DCC: variants seen among roughly 807,000 people sequenced by gnomAD.
The protein encoded by DCC is DCC netrin 1 receptor, also known as netrin receptor DCC.
DCC carries 58 observed loss-of-function variants against 172.5 expected under a neutral mutation model. The ratio of observed to expected loss-of-function variants is 0.34; its 90% CI spans 0.27 to 0.42. DCC has a LOEUF of 0.42. DCC is among the 10% of genes least tolerant of loss of function. The pLI is 1.00. For missense variants in DCC, 1,740 were observed against 1,791.0 expected (o/e 0.97, Z 0.51); for synonymous variants, 709 against 644.5 (o/e 1.10, Z -1.52).
chr18:52,596,910 C>T (rs1222106721), intron 1 of DCC, among the ~76,000 whole-genome samples: 3 of 152,112 alleles, frequency 2.0e-5, no homozygotes, highest in African/African-American at 7.2e-5. Context: ...TTTGTTTTTT[C>T]CCTGAGCTTC....
intron 7 of DCC, among the ~76,000 whole-genome samples, chr18:53,080,578 G>A (rs1016896043): frequency 5.9e-5 from 9 of 152,218 alleles, no homozygotes; most frequent in Admixed American, 3.9e-4. Context: ...GGCAAAACTA[G>A]TAGGCTTACT....
intron 2 of DCC, among the ~76,000 whole-genome samples, chr18:52,882,345 CCTTTT>C (rs1380416227): frequency 6.6e-6 from 1 of 151,468 alleles, no homozygotes; most frequent in African/African-American, 2.4e-5. Flanking sequence ...TTTGGACTTG[CCTTTT>C]CTTTTTTAGT....
At chr18:53,331,124 G>T (rs778663480) in intron 14 of DCC, among the ~76,000 whole-genome samples, 16 of 152,124 alleles carry the variant, frequency 1.1e-4, no homozygotes, top group Non-Finnish European at 2.2e-4. Flanking sequence ...AATGTAGAAT[G>T]CATCCTATTA....
chr18:53,248,299 G>T (rs542280041), intron 12 of DCC, among the ~76,000 whole-genome samples: 2 of 151,970 alleles, frequency 1.3e-5, no homozygotes, highest in African/African-American at 4.8e-5. Flanking sequence ...TGACAATTCT[G>T]GAAATCCTAA....
chr18:53,274,903 T>C (rs750273656), intron 12 of DCC, among the ~76,000 whole-genome samples: 6 of 152,118 alleles, frequency 3.9e-5, no homozygotes, highest in Non-Finnish European at 7.4e-5. Context: ...GTGATTCTTC[T>C]GCATATTACA....
chr18:53,157,592 T>A lies in DCC; in HGVS notation c.1418+80T>A. On this transcript the variant is annotated intron_variant, in intron 8 of 28. Coordinates refer to ENST00000442544, the MANE Select transcript of DCC (RefSeq NM_005215.4). ...ACGGTTGGGTAATGGCAGGAGGAGA[T>A]CTTGGGCAGGAACTTTGGAGAGGCT... 2.0e-6 allele frequency: 3 copies of A among 1,463,730 alleles called. No homozygotes were observed. In the South Asian group the frequency reaches 3.5e-5, roughly 17 times the overall value. The allele number at this position is 1,463,730 out of a possible 1,614,324, so 90.7% of individuals were successfully genotyped here. A position where few individuals can be genotyped will look rare whatever the true frequency, so the allele number is the denominator to read the frequency against.
At position 52,340,817 on chromosome 18, in the gene DCC, A is replaced by G; in HGVS notation, c.30A>G (p.Val10=). 2.5e-6 allele frequency: 4 copies of G among 1,613,992 alleles called. No individual in the cohort carries two copies. The highest frequency in any genetic ancestry group is 3.4e-6 in the Non-Finnish European group (4 of 1,179,968). MENSLRCVW[V]PKLAFVLFGA... ...AGAATAGTCTTAGATGTGTTTGGGT[A>G]CCCAAGCTGGCTTTTGTACTCTTCG... Residue 10 remains valine, a synonymous_variant, in exon 1 of 29, where the codon GTA becomes GTG. Coordinates refer to ENST00000442544, the MANE Select transcript of DCC (RefSeq NM_005215.4).
chr18:52,439,186 G>A (rs1055645762), intron 1 of DCC, among the ~76,000 whole-genome samples: 10 of 151,290 alleles, frequency 6.6e-5, no homozygotes, highest in Non-Finnish European at 1.3e-4. Context: ...GTGTGTGTGT[G>A]TGTGTGTGTG....
chr18:53,514,109 C>G (rs553556334), intron 27 of DCC, among the ~76,000 whole-genome samples: 15 of 152,214 alleles, frequency 9.9e-5, no homozygotes, highest in Non-Finnish European at 2.1e-4. Context: ...ACAGTGCAGA[C>G]CACAGTGCAA....
intron 21 of DCC, among the ~76,000 whole-genome samples, chr18:53,432,952 A>C (rs943768482): frequency 6.6e-6 from 1 of 152,140 alleles, no homozygotes. Context: ...GGTGCAAGAA[A>C]TGTGAATCAC....
chr18:52,396,735 T>G (rs1023519511), intron 1 of DCC, among the ~76,000 whole-genome samples: 2 of 152,178 alleles, frequency 1.3e-5, no homozygotes, highest in East Asian at 1.9e-4. Flanking sequence ...CTGGTAAATT[T>G]TCATTTAAAA....
chr18:52,837,152 G>A (rs2038721362), intron 2 of DCC, among the ~76,000 whole-genome samples: 1 of 152,136 alleles, frequency 6.6e-6, no homozygotes, highest in Admixed American at 6.5e-5. Flanking sequence ...GGGGCTCTGG[G>A]TTGGGCCCTT....
chr18:53,347,674 CTG>C (rs2057740894), intron 15 of DCC, among the ~76,000 whole-genome samples: 1 of 152,122 alleles, frequency 6.6e-6, no homozygotes, highest in South Asian at 2.1e-4. Context: ...ATACTTGAGA[CTG>C]TGCAATTTAC....
chr18:52,568,345 G>T (rs2033211268), intron 1 of DCC, among the ~76,000 whole-genome samples: 1 of 151,710 alleles, frequency 6.6e-6, no homozygotes, highest in African/African-American at 2.4e-5. Flanking sequence ...TGAAATAAAT[G>T]GATAAACAAA....
chr18:52,950,717 G>T (rs1447058985), intron 5 of DCC, among the ~76,000 whole-genome samples: 1 of 151,922 alleles, frequency 6.6e-6, no homozygotes, highest in Non-Finnish European at 1.5e-5. Context: ...GAGGTCAGGA[G>T]ATCGAGACCA....
chr18:53,008,152 A>T (rs575572053), intron 5 of DCC, among the ~76,000 whole-genome samples: 24 of 152,212 alleles, frequency 1.6e-4, no homozygotes, highest in Admixed American at 1.4e-3. Flanking sequence ...ATAAGAAAAT[A>T]TCTTTTTGTG....
At chr18:52,986,251 C>G (rs562809908) in intron 5 of DCC, among the ~76,000 whole-genome samples, 1 of 152,028 alleles carries the variant, frequency 6.6e-6, no homozygotes, top group Non-Finnish European at 1.5e-5. Flanking sequence ...TTCCTACCTG[C>G]GAAAATCATT....
chr18:53,055,184 C>CT (rs2042387479), intron 5 of DCC, among the ~76,000 whole-genome samples: 2 of 152,090 alleles, frequency 1.3e-5, no homozygotes, highest in Admixed American at 1.3e-4. Flanking sequence ...AATCCATGTT[C>CT]TTAAGGCGTT....
At position 53,530,239 on chromosome 18, in the gene DCC, A is replaced by T. The variant is rs1393279114; in HGVS notation, c.4255-325A>T. 4.5e-6 allele frequency: 3 copies of T among 663,790 alleles called. No individual in the cohort carries two copies. In the East Asian group the frequency reaches 8.1e-5, roughly 18 times the overall value. 41.1% of individuals were successfully genotyped at this position (663,790 alleles called of 1,614,324 possible). ...TATCATTTTATAGATGAAGAAAATT[A>T]CGTATCAGAGAGGTGCACTCACTTG... On this transcript the variant is annotated intron_variant, in intron 28 of 28. Transcript: ENST00000442544.
Sources: gnomAD v4.1 joint callset for allele counts (sites outside exome capture counted in the v4.1 genomes callset) on GRCh38, gnomAD v4.1.1 for gene constraint, MANE v1.5 for transcripts, NCBI Gene and HGNC (gene_info 2026-07-23, HGNC 2026-07-21) for gene names.